The following KLF8 variants were observed in gnomAD, a reference collection of about 807,000 sequenced individuals.
KLF8 encodes Krueppel-like factor 8.
Under a neutral mutation model 18.2 loss-of-function variants are expected in KLF8, and 10 were observed. The observed-to-expected ratio is 0.55, with a 90% CI of 0.34 to 0.93. The LOEUF (loss-of-function observed/expected upper bound fraction) is 0.93, where lower values mean the gene tolerates loss of function less well. KLF8 is among the 40% of genes least tolerant of loss of function. The probability of loss-of-function intolerance (pLI) is 0.02; values close to 1 mark genes in which losing one functional copy is unlikely to be tolerated. For missense variants in KLF8, 264 were observed against 277.9 expected (o/e 0.95, Z 0.36); for synonymous variants, 109 against 97.3 (o/e 1.12, Z -0.71).
chrX:56,165,952 T>G, the KLF8 span, among the ~76,000 whole-genome samples: 1 of 111,109 alleles, frequency 9.0e-6, no homozygotes. Flanking sequence ...TAGAGGCAGA[T>G]AGGAATTTGT....
At chrX:55,977,146 T>C in the KLF8 span, among the ~76,000 whole-genome samples, 3 of 112,235 alleles carry the variant, frequency 2.7e-5, no homozygotes, top group African/African-American at 9.7e-5. Context: ...AGGACTTCTA[T>C]ACTGTGTTGA....
chrX:56,237,584 A>G (rs2066493365), intron 1 of KLF8, among the ~76,000 whole-genome samples: 1 of 111,693 alleles, frequency 9.0e-6, no homozygotes, highest in Non-Finnish European at 1.9e-5. Flanking sequence ...TTATGACTGC[A>G]TAGGTTTTTA....
the KLF8 span, among the ~76,000 whole-genome samples, chrX:56,113,457 A>G: frequency 9.1e-6 from 1 of 109,414 alleles, no homozygotes; most frequent in Non-Finnish European, 1.9e-5. Flanking sequence ...TGACTTTTCC[A>G]AACTAATTTT....
At chrX:56,171,726 T>G in the KLF8 span, among the ~76,000 whole-genome samples, 1 of 111,880 alleles carries the variant, frequency 8.9e-6, no homozygotes, top group East Asian at 2.8e-4. Context: ...GGCTGCATAG[T>G]ATTCCGTGCT....
the KLF8 span, among the ~76,000 whole-genome samples, chrX:56,218,958 T>C: frequency 2.7e-5 from 3 of 112,288 alleles, no homozygotes; most frequent in Non-Finnish European, 5.6e-5. Flanking sequence ...TTAAATGAAT[T>C]ATCAAAAATA....
the KLF8 span, among the ~76,000 whole-genome samples, chrX:56,178,627 TA>T: frequency 8.9e-6 from 1 of 112,687 alleles, no homozygotes; most frequent in Admixed American, 9.4e-5. Context: ...TTCTAACTTT[TA>T]AGTCTTTAAT....
At chrX:56,123,157 A>G in the KLF8 span, among the ~76,000 whole-genome samples, 5 of 109,658 alleles carry the variant, frequency 4.6e-5, no homozygotes, top group Non-Finnish European at 7.6e-5. Flanking sequence ...TCCTTTCAAC[A>G]TTTTTTCTCT....
intron 1 of KLF8, 23 bp downstream of exon 1, chrX:56,233,364 C>T: frequency 9.8e-7 from 1 of 1,020,033 alleles, no homozygotes; most frequent in Non-Finnish European, 1.4e-6. Flanking sequence ...GGGACTAATA[C>T]CCACCCACTC....
the KLF8 span, among the ~76,000 whole-genome samples, chrX:56,112,411 A>T: frequency 4.5e-5 from 5 of 111,722 alleles, no homozygotes; most frequent in Non-Finnish European, 9.4e-5. Context: ...GCAAACCACC[A>T]TGGCATGTGT....
chrX:56,079,726 C>A, the KLF8 span, among the ~76,000 whole-genome samples: 1 of 110,772 alleles, frequency 9.0e-6, no homozygotes, highest in Non-Finnish European at 1.9e-5. Flanking sequence ...TCTTGTTGAT[C>A]TGTCTAATGT....
At chrX:56,123,309 G>GAAAGAAAGAAAGAAAGAAAGAAAGA in the KLF8 span, among the ~76,000 whole-genome samples, 28 of 108,157 alleles carry the variant, frequency 2.6e-4, no homozygotes, top group African/African-American at 8.6e-4. Context: ...GAGAAAGAAA[G>GAAAGAAAGAAAGAAAGAAAGAAAGA]AAAGAAAAGA....
chrX:56,063,789 A>G, the KLF8 span, among the ~76,000 whole-genome samples: 1 of 111,118 alleles, frequency 9.0e-6, no homozygotes, highest in African/African-American at 3.3e-5. Context: ...TGTCTCAGGC[A>G]GATGGGAGTT....
At chrX:56,144,383 A>G in the KLF8 span, among the ~76,000 whole-genome samples, 1 of 110,777 alleles carries the variant, frequency 9.0e-6, no homozygotes, top group African/African-American at 3.3e-5. Context: ...GTGAAAAGGC[A>G]ACCTGTAGAA....
the KLF8 span, among the ~76,000 whole-genome samples, chrX:56,055,274 G>A: frequency 8.9e-6 from 1 of 111,804 alleles, no homozygotes; most frequent in African/African-American, 3.2e-5. Context: ...AGGTTTGATG[G>A]CAACAAATTT....
At chrX:56,195,315 C>G in the KLF8 span, among the ~76,000 whole-genome samples, 1 of 111,550 alleles carries the variant, frequency 9.0e-6, no homozygotes, top group Non-Finnish European at 1.9e-5. Context: ...AAACTCATCA[C>G]AAGGAAGCTA....
At chrX:56,038,572 A>G in the KLF8 span, among the ~76,000 whole-genome samples, 1 of 112,793 alleles carries the variant, frequency 8.9e-6, no homozygotes, top group Non-Finnish European at 1.9e-5. Context: ...GCTGCATAGC[A>G]TTCCATAGTT....
the KLF8 span, among the ~76,000 whole-genome samples, chrX:55,913,975 A>G: frequency 8.9e-6 from 1 of 111,861 alleles, no homozygotes; most frequent in Non-Finnish European, 1.9e-5. Context: ...AAAGAATATT[A>G]TCTAGCTAAT....
At chrX:55,913,328 T>C in the KLF8 span, among the ~76,000 whole-genome samples, 7 of 111,500 alleles carry the variant, frequency 6.3e-5, no homozygotes, top group Admixed American at 5.7e-4. Context: ...TATGTTGGAG[T>C]CTTAATTCCT....
At chrX:56,053,038 C>T in the KLF8 span, among the ~76,000 whole-genome samples, 36 of 111,815 alleles carry the variant, frequency 3.2e-4, no homozygotes, top group East Asian at 2.3e-3. Context: ...TTCCAGGTGC[C>T]GTCTGTCACC....
Sources: gnomAD v4.1 joint callset for allele counts (sites outside exome capture counted in the v4.1 genomes callset) on GRCh38, gnomAD v4.1.1 for gene constraint, MANE v1.5 for transcripts, NCBI Gene and HGNC (gene_info 2026-07-23, HGNC 2026-07-21) for gene names.